GBF1: variants seen among roughly 807,000 people sequenced by gnomAD.
GBF1 encodes the protein golgi brefeldin A resistant guanine nucleotide exchange factor 1, also known as Golgi-specific brefeldin A-resistance guanine nucleotide exchange factor 1.
A neutral mutation model predicts 210.5 loss-of-function variants in GBF1; 114 were observed. The ratio of observed to expected loss-of-function variants is 0.54; its 90% CI spans 0.47 to 0.63. The LOEUF is 0.63. GBF1 is among the 30% of genes least tolerant of loss of function. GBF1 has a pLI of 0.00. For synonymous variants in GBF1, 850 were observed against 889.2 expected, an observed-to-expected ratio of 0.96 and a Z score of 0.78; for missense variants, 1,851 against 2,357.7, an observed-to-expected ratio of 0.79 and a Z score of 4.45.
upstream of GBF1, among the ~76,000 whole-genome samples, chr10:102,241,921 G>A (rs1259379976): frequency 2.0e-5 from 3 of 152,202 alleles, no homozygotes; most frequent in East Asian, 5.8e-4. The surrounding 1 kb of genome is among the most constrained non-coding windows in gnomAD (Gnocchi z 6.7). Context: ...GGGCCGCCGG[G>A]TCTCAGCGCT....
intron 3 of GBF1, among the ~76,000 whole-genome samples, chr10:102,324,610 G>A (rs528505925): frequency 6.6e-5 from 10 of 152,004 alleles, no homozygotes; most frequent in East Asian, 1.9e-4. Context: ...TATTTGAGAC[G>A]GAGTTTCGCT....
At position 102,258,953 on chromosome 10, in the gene GBF1, T is replaced by C; in HGVS notation, c.15T>C (p.Asn5=). The C allele has an allele frequency of 6.3e-7, 1 of 1,598,108 alleles. No homozygotes were observed. Among genetic ancestry groups the C allele is most frequent in the Non-Finnish European group, 8.6e-7 (1 of 1,165,380 alleles). The stretch of plus-strand genomic sequence containing the variant: ...GGTTTGCCAAGATGGTGGATAAGAA[T>C]ATTTACATCATTCAAGGGGAGATTA... MVDK[N]IYIIQGEINI... is the part of the protein sequence containing the mutation. The change falls in exon 2 of 40, where the codon AAT becomes AAC. Residue 5 remains asparagine (N), a synonymous_variant. Transcript: ENST00000369983.
In GBF1 at chr10:102,263,887, C is replaced by CAA. The variant is rs529968446; in HGVS notation, c.163+3772_163+3773insAA. On this transcript the variant is annotated intron_variant, in intron 3 of 39. Coordinates refer to ENST00000369983, the MANE Select transcript of GBF1 (RefSeq NM_001377137.1). Reference sequence around the variant, plus strand: ...TACTTTGGATAAAGCTTTAGCTTACCACCAGTGAGAGAGACTTGACTGCTG... The same window carrying CAA: ...TACTTTGGATAAAGCTTTAGCTTACCAAACCAGTGAGAGAGACTTGACTGCTG... Among the ~76,000 whole-genome samples the CAA allele has an allele frequency of 3.9e-3, 599 of 152,240 alleles. 3 individuals carry two copies. Among genetic ancestry groups the CAA allele is most frequent in the Non-Finnish European group, 7.2e-3 (492 of 68,006 alleles).
intron 3 of GBF1, among the ~76,000 whole-genome samples, chr10:102,323,914 G>T (rs186389270): frequency 1.2e-4 from 19 of 152,040 alleles, no homozygotes; most frequent in African/African-American, 4.3e-4. Flanking sequence ...GTGTAAATTG[G>T]CCCTGTTCTT....
chr10:102,285,764 TG>T (rs2075879011), intron 3 of GBF1, among the ~76,000 whole-genome samples: 1 of 152,222 alleles, frequency 6.6e-6, no homozygotes, highest in Non-Finnish European at 1.5e-5. Flanking sequence ...TCTAGGACGC[TG>T]GAACTTCTAG....
In GBF1 at chr10:102,375,505, A is replaced by G. The variant is rs201797862; in HGVS notation, c.3807A>G (p.Thr1269=). 73 of 1,613,908 alleles carry G rather than the reference A, an allele frequency of 4.5e-5. No individual in the cohort carries two copies. Among genetic ancestry groups the G allele is most frequent in the African/African-American group, 6.7e-5 (5 of 74,930 alleles). The part of the protein sequence containing the change: ...HSGDDWATLF[T]LLECIGSGVK... ...GTGATGACTGGGCCACACTCTTCAC[A>G]CTGCTGGAGTGCATCGGCTCAGGTG... is the stretch of plus-strand genomic sequence containing the variant. The change falls in exon 30 of 40, where the codon ACA becomes ACG. Residue 1269 remains threonine (T), a synonymous_variant. Transcript: ENST00000369983.
intron 1 of GBF1, among the ~76,000 whole-genome samples, chr10:102,246,221 C>G (rs560312965): frequency 6.6e-6 from 1 of 152,304 alleles, no homozygotes; most frequent in African/African-American, 2.4e-5. Context: ...GATTGCCTCA[C>G]TAATACAAAG....
At chr10:102,329,068 G>A (rs2057126963) in intron 3 of GBF1, among the ~76,000 whole-genome samples, 3 of 152,166 alleles carry the variant, frequency 2.0e-5, no homozygotes, top group Admixed American at 6.5e-5. Context: ...AAACAACAAG[G>A]CAGAGTGAAG....
chr10:102,308,201 TAAAAAA>T (rs11440668), intron 3 of GBF1, among the ~76,000 whole-genome samples: 1 of 123,448 alleles, frequency 8.1e-6, no homozygotes, highest in Non-Finnish European at 1.7e-5. Context: ...TCACAGAAGC[TAAAAAA>T]AAAAAAAAAA....
chr10:102,287,520 G>A (rs565913216), intron 3 of GBF1, among the ~76,000 whole-genome samples: 9 of 152,008 alleles, frequency 5.9e-5, no homozygotes, highest in Admixed American at 1.3e-4. Flanking sequence ...TCAGGAATCT[G>A]GGAGCTGCTT....
intron 3 of GBF1, among the ~76,000 whole-genome samples, chr10:102,292,164 C>T (rs1250599176): frequency 6.6e-6 from 1 of 152,098 alleles, no homozygotes; most frequent in Non-Finnish European, 1.5e-5. Context: ...GCTGGGATTA[C>T]AGGCATGAGC....
At chr10:102,286,200 T>G (rs1452215179) in intron 3 of GBF1, among the ~76,000 whole-genome samples, 2 of 134,786 alleles carry the variant, frequency 1.5e-5, no homozygotes, top group Non-Finnish European at 3.1e-5. Context: ...AAGGGTTTTT[T>G]TTTTTTTTTT....
At chr10:102,331,385 A>G (rs150928965) in intron 3 of GBF1, among the ~76,000 whole-genome samples, 3 of 152,240 alleles carry the variant, frequency 2.0e-5, no homozygotes, top group Non-Finnish European at 4.4e-5. Flanking sequence ...ATGATTTCTA[A>G]TCCCTGGGGT....
chr10:102,280,263 A>T (rs976028509), intron 3 of GBF1, among the ~76,000 whole-genome samples: 1 of 152,180 alleles, frequency 6.6e-6, no homozygotes, highest in East Asian at 1.9e-4. Flanking sequence ...CAGAGAATAC[A>T]GAACTCCTAA....
At chr10:102,365,297 T>G in intron 17 of GBF1, 100 bp from the exon 18 acceptor site, 1 of 835,158 alleles carries the variant, frequency 1.2e-6, no homozygotes, top group Non-Finnish European at 2.0e-6. Context: ...CTAGGAGCTT[T>G]TTAGCTGACC....
At position 102,363,217 on chromosome 10, in the gene GBF1, ACC is replaced by A. The variant is rs751171990; in HGVS notation, c.1877-37_1877-36del. 6.4e-7 allele frequency: 1 copy of A among 1,568,150 alleles called. No homozygotes were observed. Among genetic ancestry groups the A allele is most frequent in the Non-Finnish European group, 8.7e-7 (1 of 1,154,892 alleles). ...ATCCTGCAGCTCTGCTTGGCTTCAT[ACC>A]CTATAAGTCTTCACGTATCTTCTTC... is the stretch of plus-strand genomic sequence containing the variant. On this transcript the variant is annotated intron_variant, in intron 15 of 39. Transcript: ENST00000369983. The surrounding 1 kb of genome is among the most constrained non-coding windows in gnomAD (Gnocchi z 4.2).
At chr10:102,278,397 G>A (rs1315238172) in intron 3 of GBF1, among the ~76,000 whole-genome samples, 1 of 151,814 alleles carries the variant, frequency 6.6e-6, no homozygotes, top group Non-Finnish European at 1.5e-5. Context: ...CTCCTGCCTT[G>A]GTCTTCCAAA....
intron 1 of GBF1, among the ~76,000 whole-genome samples, chr10:102,247,620 A>C (rs1721025116): frequency 2.0e-5 from 3 of 152,188 alleles, no homozygotes; most frequent in Non-Finnish European, 4.4e-5. Context: ...CTATAGAGGC[A>C]TCAAAACGTT....
At chr10:102,379,710 C>T in intron 35 of GBF1, 59 bp downstream of exon 35, 1 of 1,589,492 alleles carries the variant, frequency 6.3e-7, no homozygotes, top group East Asian at 2.2e-5. Context: ...GAAAGCCAGG[C>T]AGCCTGAAGA....
Sources: allele counts gnomAD v4.1 joint callset (sites outside exome capture counted in the v4.1 genomes callset), GRCh38; gene constraint gnomAD v4.1.1; non-coding constraint Gnocchi (gnomAD v3.1); transcripts MANE v1.5; gene names NCBI Gene and HGNC (gene_info 2026-07-23, HGNC 2026-07-21).